PCDHGA3: variants seen among roughly 807,000 people sequenced by gnomAD.
PCDHGA3 encodes the protein protocadherin gamma subfamily A, 3.
PCDHGA3 carries 40 observed loss-of-function variants against 58.5 expected under a neutral mutation model. The observed-to-expected ratio is 0.68, with a 90% CI of 0.53 to 0.89. The LOEUF (loss-of-function observed/expected upper bound fraction) is 0.89, where lower values mean the gene tolerates loss of function less well. Ranked by LOEUF, PCDHGA3 falls within the 40% of genes least tolerant of loss-of-function variation. The pLI is 0.00. For synonymous variants in PCDHGA3, 530 were observed against 525.7 expected, an observed-to-expected ratio of 1.01 and a Z score of -0.11; for missense variants, 1,223 against 1,195.9, an observed-to-expected ratio of 1.02 and a Z score of -0.33.
At chr5:141,418,265 G>A (rs2096242953) in intron 1 of PCDHGA3, 1 of 1,614,062 alleles carries the variant, frequency 6.2e-7, no homozygotes, top group East Asian at 2.2e-5. Context: ...ATTCCGGAAA[G>A]ATGAAATAAA....
chr5:141,495,000 G>A lies in PCDHGA3; in HGVS notation c.2483+135G>A, dbSNP rs191756104. ...AGTTTGAGATCCCAGGGAGGTCTTG[G>A]TGTGCGGGGGGCTGGCACACAGACC... On this transcript the variant is annotated intron_variant, in intron 2 of 3. Transcript: ENST00000253812. 1.3e-4 allele frequency: 202 copies of A among 1,531,656 alleles called. 2 individuals carry two copies. The African/African-American group carries it at 2.4e-3, about 19-fold the overall frequency. The allele number at this position is 1,531,656 out of a possible 1,614,324, so 94.9% of individuals were successfully genotyped here. A position where few individuals can be genotyped will look rare whatever the true frequency, so the allele number is the denominator to read the frequency against.
intron 1 of PCDHGA3, chr5:141,478,239 C>T: frequency 1.2e-6 from 2 of 1,614,132 alleles, no homozygotes; most frequent in Non-Finnish European, 1.7e-6. Context: ...TTTGTGGTCA[C>T]AGTGTTCGGA....
At chr5:141,363,656 A>C (rs1763020293) in intron 1 of PCDHGA3, among the ~76,000 whole-genome samples, 1 of 152,232 alleles carries the variant, frequency 6.6e-6, no homozygotes, top group African/African-American at 2.4e-5. Context: ...AAAGATCTTT[A>C]TTTCTTCTGC....
intron 3 of PCDHGA3, 99 bp from the exon 4 acceptor site, chr5:141,510,848 G>A: frequency 6.3e-7 from 1 of 1,596,080 alleles, no homozygotes. Flanking sequence ...TCAAGGCCCA[G>A]GGTGCTGTAT....
rs770930842 is a variant in PCDHGA3 at position 141,432,673 on chromosome 5, C to G, written c.2425-62134C>G. 10 of 1,613,804 alleles carry G rather than the reference C, an allele frequency of 6.2e-6. No homozygotes were observed. The East Asian group carries it at 1.3e-4, about 22-fold the overall frequency. ...GAGCCCTGCTGGACAGAGACGCGCT[C>G]AAGCAGAGCCTCGTAGTGGCCGTCC... is the stretch of plus-strand genomic sequence containing the variant. On this transcript the variant is annotated intron_variant, in intron 1 of 3. Transcript: ENST00000253812. The surrounding 1 kb of genome is among the most constrained non-coding windows in gnomAD (Gnocchi z 6.0).
Position 141,345,117 on chromosome 5 carries a change from G to A in PCDHGA3, c.1084G>A (p.Val362Ile). ...LTSSVPEEGT[V>I]GREIALIDVH... ...AAGCTCAGTCCCAGAAGAGGGCACCGTTGGAAGAGAAATTGCTCTTATCGA... is the reference window on the plus strand; with the variant it reads ...AAGCTCAGTCCCAGAAGAGGGCACCATTGGAAGAGAAATTGCTCTTATCGA... The change falls in exon 1 of 4, where the codon GTT becomes ATT. Residue 362 changes from valine to isoleucine, a missense_variant. This residue lies in a region of PCDHGA3 where 791 missense variants were observed against 708.5 expected (regional missense o/e 1.12). Transcript: ENST00000253812. 4 of 1,613,992 alleles carry A rather than the reference G, an allele frequency of 2.5e-6. No homozygotes were observed.
chr5:141,474,169 T>C (rs1268235616), intron 1 of PCDHGA3, among the ~76,000 whole-genome samples: 2 of 152,232 alleles, frequency 1.3e-5, no homozygotes, highest in Non-Finnish European at 2.9e-5. Context: ...GGCCTTATTA[T>C]TGAGAAAACT....
intron 1 of PCDHGA3, chr5:141,360,898 G>T: frequency 6.2e-7 from 1 of 1,614,040 alleles, no homozygotes; most frequent in South Asian, 1.1e-5. Context: ...GAGGGAGGAC[G>T]TGCCGCCGGG....
intron 1 of PCDHGA3, among the ~76,000 whole-genome samples, chr5:141,461,604 T>G (rs1166575574): frequency 6.6e-6 from 1 of 152,228 alleles, no homozygotes; most frequent in Non-Finnish European, 1.5e-5. Context: ...TATAATTTAG[T>G]TCAAAGTATT....
At chr5:141,372,273 C>T (rs201775561) in intron 1 of PCDHGA3, 6 of 1,613,106 alleles carry the variant, frequency 3.7e-6, no homozygotes, top group East Asian at 4.5e-5. Context: ...GGGTGAGGTG[C>T]GCACGGCGCG....
chr5:141,482,032 C>T (rs1370023352), intron 1 of PCDHGA3, among the ~76,000 whole-genome samples: 1 of 151,018 alleles, frequency 6.6e-6, no homozygotes, highest in African/African-American at 2.4e-5. Flanking sequence ...TTGCAGTGAG[C>T]CAAGATCATG....
chr5:141,351,809 G>A, intron 1 of PCDHGA3: 1 of 1,613,290 alleles, frequency 6.2e-7, no homozygotes, highest in Non-Finnish European at 8.5e-7. Flanking sequence ...GCGCGCCTTC[G>A]ACCACGAGCA....
chr5:141,407,505 T>TTTTTTTTTTTTTTTTTTTTTTTTTTTTTG (rs1460306566), intron 1 of PCDHGA3, among the ~76,000 whole-genome samples: 2 of 152,144 alleles, frequency 1.3e-5, no homozygotes, highest in Non-Finnish European at 1.5e-5. Context: ...CTGTTTTTCT[T>TTTTTTTTTTTTTTTTTTTTTTTTTTTTTG]AGGCTATGTA....
chr5:141,371,372 T>A lies in PCDHGA3; in HGVS notation c.2424+24915T>A, dbSNP rs73265849. ...GGGTGGAAGCAAAGGATGGTGGACA[T>A]CACACTGCATATTGTAAAGTACAGA... is the stretch of plus-strand genomic sequence containing the variant. On this transcript the variant is annotated intron_variant, in intron 1 of 3. Transcript: ENST00000253812. 2,400 of 1,613,952 alleles carry A rather than the reference T, an allele frequency of 1.5e-3. 32 individuals are homozygous for A. In the African/African-American group the frequency reaches 0.028, roughly 19 times the overall value.
At chr5:141,362,594 T>C in intron 1 of PCDHGA3, 1 of 1,586,338 alleles carries the variant, frequency 6.3e-7, no homozygotes. Context: ...TCTGGTTTTA[T>C]TGTTTCACCT....
At chr5:141,509,268 G>A (rs2099875959) in intron 3 of PCDHGA3, among the ~76,000 whole-genome samples, 1 of 152,150 alleles carries the variant, frequency 6.6e-6, no homozygotes, top group South Asian at 2.1e-4. Flanking sequence ...AGTCACTCTC[G>A]CTACCCGCTC....
chr5:141,372,754 G>A (rs201408759), intron 1 of PCDHGA3: 907 of 1,612,900 alleles, frequency 5.6e-4, no homozygotes, highest in Non-Finnish European at 7.2e-4. Flanking sequence ...GAAGCCTCTT[G>A]GTTTGAAAGT....
chr5:141,384,735 C>T (rs1258816819), intron 1 of PCDHGA3: 9 of 1,614,026 alleles, frequency 5.6e-6, no homozygotes, highest in Non-Finnish European at 6.8e-6. Flanking sequence ...TTAAGGCCAG[C>T]GAGCCAGGAC....
intron 1 of PCDHGA3, chr5:141,393,329 C>T: frequency 6.2e-7 from 1 of 1,611,240 alleles, no homozygotes; most frequent in South Asian, 1.1e-5. Flanking sequence ...GCTACCAGCT[C>T]AGCCCCAATC....
Sources: gnomAD v4.1 joint callset for allele counts (sites outside exome capture counted in the v4.1 genomes callset) on GRCh38, gnomAD v4.1.1 for gene constraint, gnomAD v4.1.1 regional missense constraint, Gnocchi (gnomAD v3.1) non-coding constraint, MANE v1.5 for transcripts, NCBI Gene and HGNC (gene_info 2026-07-23, HGNC 2026-07-21) for gene names.